The following LY86 variants were observed in gnomAD, a reference collection of about 807,000 sequenced individuals.
LY86 encodes MD-1, RP105-associated.
A neutral mutation model predicts 17.3 loss-of-function variants in LY86; 20 were observed. The observed-to-expected ratio is 1.15, with a 90% CI of 0.81 to 1.68. The LOEUF (loss-of-function observed/expected upper bound fraction) is 1.68, where lower values mean the gene tolerates loss of function less well. Ranked by LOEUF, LY86 falls within the 40% of genes most tolerant of loss-of-function variation. The pLI is 0.00. For missense variants in LY86, 200 were observed against 191.9 expected (o/e 1.04, Z -0.25); for synonymous variants, 74 against 70.6 (o/e 1.05, Z -0.24).
rs1213763328 is a variant in LY86 at position 6,602,580 on chromosome 6, TGGTAGGCACCAGGAGA to T, written c.136+13712_136+13727del. ...TGCAAGTTTGTTTGAGAAATGATCC[TGGTAGGCACCAGGAGA>T]GTGAAGAAGCGAGACAGGGAAGAAA... On this transcript the variant is annotated intron_variant, in intron 1 of 4. Transcript: ENST00000230568. Among the ~76,000 whole-genome samples, 7 of 152,264 alleles carry T rather than the reference TGGTAGGCACCAGGAGA, an allele frequency of 4.6e-5. No individual in the cohort carries two copies. In the East Asian group the frequency reaches 1.4e-3, roughly 29 times the overall value.
intron 1 of LY86, among the ~76,000 whole-genome samples, chr6:6,602,403 A>G (rs999459596): frequency 6.6e-6 from 1 of 152,356 alleles, no homozygotes; most frequent in South Asian, 2.1e-4. Flanking sequence ...GCCGAAGGCA[A>G]GAAACCTGGT....
intron 1 of LY86, among the ~76,000 whole-genome samples, chr6:6,605,191 A>T (rs1761065971): frequency 6.6e-6 from 1 of 152,234 alleles, no homozygotes; most frequent in South Asian, 2.1e-4. Flanking sequence ...ATGAATTTGG[A>T]ACAAGAATGT....
At chr6:6,604,999 TAA>T (rs747087869) in intron 1 of LY86, among the ~76,000 whole-genome samples, 2 of 151,634 alleles carry the variant, frequency 1.3e-5, no homozygotes, top group African/African-American at 4.8e-5. Context: ...ACAGTATAGT[TAA>T]GTCATTCAAT....
At chr6:6,605,830 C>A (rs12200071) in intron 1 of LY86, among the ~76,000 whole-genome samples, 132,018 of 151,942 alleles carry the variant, frequency 0.87, 57,537 homozygotes, top group Middle Eastern at 0.96. Flanking sequence ...GGCTGACTTT[C>A]CCGGTGAATG....
chr6:6,647,968 T>TACAC lies in LY86; in HGVS notation c.353-1616_353-1613dup, dbSNP rs57233850. Among the ~76,000 whole-genome samples the TACAC allele has an allele frequency of 9.2e-3, 1,335 of 144,752 alleles. 23 individuals are homozygous for TACAC. Among genetic ancestry groups the TACAC allele is most frequent in the East Asian group, 0.061 (291 of 4,758 alleles). The allele number at this position is 144,752 out of a possible 152,430, so 95.0% of individuals were successfully genotyped here. A position where few individuals can be genotyped will look rare whatever the true frequency, so the allele number is the denominator to read the frequency against. On this transcript the variant is annotated intron_variant, in intron 3 of 4. Coordinates refer to ENST00000230568, the MANE Select transcript of LY86 (RefSeq NM_004271.4). ...GAAATAGAGCTCTTCAATCATCACA[T>TACAC]ACACACACACACACACACACACACA...
intron 3 of LY86, among the ~76,000 whole-genome samples, chr6:6,648,405 G>T (rs1362636478): frequency 6.6e-6 from 1 of 152,082 alleles, no homozygotes; most frequent in Non-Finnish European, 1.5e-5. Context: ...TCTCAACACA[G>T]TTCCTCTTGT....
chr6:6,605,118 G>C (rs1761061906), intron 1 of LY86, among the ~76,000 whole-genome samples: 1 of 151,600 alleles, frequency 6.6e-6, no homozygotes, highest in East Asian at 1.9e-4. Context: ...AGTCAGTTTT[G>C]AGATATAAAA....
chr6:6,588,817 C>T lies in LY86; in HGVS notation c.83C>T (p.Pro28Leu). 1 of 1,614,134 alleles carries T rather than the reference C, an allele frequency of 6.2e-7. No individual in the cohort carries two copies. The highest frequency in any genetic ancestry group is 8.5e-7 in the Non-Finnish European group (1 of 1,180,004). The change falls in exon 1 of 5, where the codon CCC becomes CTC. Residue 28 changes from proline to leucine, a missense_variant. Pro to Leu is a moderately conservative substitution (Grantham distance 98). Transcript: ENST00000230568. ...CSGGGGGKAW[P>L]THVVCSDSGL... ...GGAGGCGGCGGTGGGAAAGCCTGGCCCACACACGTGGTCTGTAGCGACAGC... is the reference window on the plus strand; with the variant it reads ...GGAGGCGGCGGTGGGAAAGCCTGGCTCACACACGTGGTCTGTAGCGACAGC...
chr6:6,593,111 T>C (rs1259699511), intron 1 of LY86, among the ~76,000 whole-genome samples: 1 of 152,146 alleles, frequency 6.6e-6, no homozygotes, highest in East Asian at 1.9e-4. Context: ...TTGCTCATAG[T>C]TCTGTGGTCA....
chr6:6,626,775 C>T (rs1362587036), intron 3 of LY86, among the ~76,000 whole-genome samples: 5 of 152,022 alleles, frequency 3.3e-5, no homozygotes, highest in African/African-American at 4.8e-5. Flanking sequence ...TTTCCCTCCA[C>T]AACTTCCTTA....
At chr6:6,599,529 T>A (rs1032972103) in intron 1 of LY86, among the ~76,000 whole-genome samples, 4 of 149,648 alleles carry the variant, frequency 2.7e-5, no homozygotes, top group Non-Finnish European at 4.5e-5. Context: ...CCTGTGAGGC[T>A]GACTGACTGG....
chr6:6,606,465 G>T lies in LY86; in HGVS notation c.136+17595G>T, dbSNP rs529396536. On this transcript the variant is annotated intron_variant, in intron 1 of 4. Coordinates refer to ENST00000230568, the MANE Select transcript of LY86 (RefSeq NM_004271.4). ...GAGCTGCCTGCCAGTCCCACACCGC[G>T]CACCCGCACTCCTCAGCCCTTGGGT... 2.0e-5 allele frequency among the ~76,000 whole-genome samples: 3 copies of T among 152,302 alleles called. No homozygotes were observed. The South Asian group carries it at 6.2e-4, about 32-fold the overall frequency.
chr6:6,624,851 A>G, intron 1 of LY86, 75 bp from the exon 2 acceptor site: 1 of 680,790 alleles, frequency 1.5e-6, no homozygotes, highest in South Asian at 1.7e-5. Context: ...TGAAAACAAT[A>G]TTGTTGCAAA....
At chr6:6,630,631 T>C (rs7739053) in intron 3 of LY86, among the ~76,000 whole-genome samples, 8,522 of 152,244 alleles carry the variant, frequency 0.056, 333 homozygotes, top group African/African-American at 0.11. Flanking sequence ...ACTCCCTCAA[T>C]CCTCAAGAAC....
chr6:6,605,669 T>C (rs570328983), intron 1 of LY86, among the ~76,000 whole-genome samples: 2 of 152,384 alleles, frequency 1.3e-5, no homozygotes, highest in East Asian at 1.9e-4. Flanking sequence ...CTGGAATTGA[T>C]GGGTTCTTCA....
At chr6:6,597,589 C>G (rs1561775230) in intron 1 of LY86, among the ~76,000 whole-genome samples, 2 of 152,198 alleles carry the variant, frequency 1.3e-5, no homozygotes, top group South Asian at 2.1e-4. Flanking sequence ...AAGTGGGCAA[C>G]AGAAGAAGCG....
chr6:6,629,827 G>A (rs1761872214), intron 3 of LY86, among the ~76,000 whole-genome samples: 1 of 152,208 alleles, frequency 6.6e-6, no homozygotes, highest in Non-Finnish European at 1.5e-5. Context: ...GGAGGAAATA[G>A]CGTATATGGC....
rs75358121 is a variant in LY86, at chr6:6,649,546, G to C, written c.353-79G>C. The stretch of plus-strand genomic sequence containing the variant: ...TGGTGCCAATAATTGTCACACATCT[G>C]TGTAACCACAAATCATGTGAATGAA... On this transcript the variant is annotated intron_variant, in intron 3 of 4. Coordinates refer to ENST00000230568, the MANE Select transcript of LY86 (RefSeq NM_004271.4). 1,212 of 907,222 alleles carry C rather than the reference G, an allele frequency of 1.3e-3. 18 individuals carry two copies. In the African/African-American group the frequency reaches 0.018, roughly 14 times the overall value. 56.2% of individuals were successfully genotyped at this position (907,222 alleles called of 1,614,324 possible).
chr6:6,606,930 C>T (rs768409961), intron 1 of LY86, among the ~76,000 whole-genome samples: 6 of 152,258 alleles, frequency 3.9e-5, no homozygotes, highest in Non-Finnish European at 8.8e-5. Flanking sequence ...GCACCGAGGC[C>T]GAGGAGGCGC....
Sources: gnomAD v4.1 joint callset for allele counts (sites outside exome capture counted in the v4.1 genomes callset) on GRCh38, gnomAD v4.1.1 for gene constraint, MANE v1.5 for transcripts, NCBI Gene and HGNC (gene_info 2026-07-23, HGNC 2026-07-21) for gene names.